GABRG3: variants seen among roughly 807,000 people sequenced by gnomAD.
GABRG3 encodes gamma-aminobutyric acid receptor subunit gamma-3.
Under a neutral mutation model 48.8 loss-of-function variants are expected in GABRG3, and 25 were observed. The ratio of observed to expected loss-of-function variants is 0.51; its 90% CI spans 0.37 to 0.72. The LOEUF (loss-of-function observed/expected upper bound fraction) is 0.72. GABRG3 is among the 30% of genes least tolerant of loss of function. The pLI is 0.00. For synonymous variants in GABRG3, 227 were observed against 217.6 expected, an observed-to-expected ratio of 1.04 and a Z score of -0.38; for missense variants, 394 against 577.9, an observed-to-expected ratio of 0.68 and a Z score of 3.26.
At chr15:27,486,567 GCA>G (rs1890224626) in intron 6 of GABRG3, among the ~76,000 whole-genome samples, 1 of 152,168 alleles carries the variant, frequency 6.6e-6, no homozygotes, top group Non-Finnish European at 1.5e-5. Flanking sequence ...GAGGGAGGGA[GCA>G]CAGGGGGCAG....
intron 3 of GABRG3, among the ~76,000 whole-genome samples, chr15:27,253,509 C>A (rs1890524270): frequency 6.6e-6 from 1 of 152,230 alleles, no homozygotes; most frequent in Non-Finnish European, 1.5e-5. Flanking sequence ...TGGGGAAATT[C>A]ACCTGAGGGT....
chr15:27,532,268 T>C (rs115878137), intron 9 of GABRG3, among the ~76,000 whole-genome samples: 2,079 of 152,186 alleles, frequency 0.014, 17 homozygotes, highest in African/African-American at 0.029. Context: ...GCAATTTTCC[T>C]TGCATTAGAA....
At chr15:27,068,662 A>G (rs60950495) in intron 3 of GABRG3, among the ~76,000 whole-genome samples, 31,897 of 152,168 alleles carry the variant, frequency 0.21, 3,495 homozygotes, top group Middle Eastern at 0.27. Context: ...TGATACTTGG[A>G]AAAATGCCTC....
chr15:27,310,603 A>AT (rs1172958316), intron 3 of GABRG3, among the ~76,000 whole-genome samples: 2 of 152,152 alleles, frequency 1.3e-5, no homozygotes, highest in Non-Finnish European at 2.9e-5. Context: ...AATGGTTTTT[A>AT]TTTTTTGTGA....
At chr15:27,216,070 G>A (rs930333271) in intron 3 of GABRG3, among the ~76,000 whole-genome samples, 1 of 152,156 alleles carries the variant, frequency 6.6e-6, no homozygotes, top group African/African-American at 2.4e-5. Flanking sequence ...AAAGATCTCT[G>A]CCTCACTGAT....
At chr15:27,051,306 A>T (rs74006561) in intron 3 of GABRG3, among the ~76,000 whole-genome samples, 3 of 152,258 alleles carry the variant, frequency 2.0e-5, no homozygotes, top group African/African-American at 7.2e-5. Flanking sequence ...TATTGAGGTT[A>T]TGTCCCTCCA....
At chr15:27,031,528 G>A (rs776227644) in intron 3 of GABRG3, among the ~76,000 whole-genome samples, 4 of 152,252 alleles carry the variant, frequency 2.6e-5, no homozygotes, top group East Asian at 3.9e-4. Context: ...TGACTATAGC[G>A]TGACCATGTG....
chr15:27,114,546 T>G (rs543711593), intron 3 of GABRG3, among the ~76,000 whole-genome samples: 242 of 152,330 alleles, frequency 1.6e-3, no homozygotes, highest in African/African-American at 5.6e-3. Context: ...AGTGATTGTT[T>G]GAATTCTGAA....
At chr15:27,330,667 T>G (rs1893773401) in intron 5 of GABRG3, among the ~76,000 whole-genome samples, 1 of 152,226 alleles carries the variant, frequency 6.6e-6, no homozygotes, top group South Asian at 2.1e-4. Context: ...AAAAAGATTT[T>G]TATAGAAATA....
At chr15:27,205,646 A>C (rs1257161552) in intron 3 of GABRG3, among the ~76,000 whole-genome samples, 1 of 151,452 alleles carries the variant, frequency 6.6e-6, no homozygotes, top group Non-Finnish European at 1.5e-5. Flanking sequence ...GGTATAAACT[A>C]TTCTTTACAT....
chr15:27,511,828 T>G (rs8034824), intron 6 of GABRG3, among the ~76,000 whole-genome samples: 16,190 of 152,268 alleles, frequency 0.11, 2,032 homozygotes, highest in African/African-American at 0.3. Context: ...TGGCAAACCG[T>G]TCTTACTTTA....
chr15:27,092,383 C>A (rs1320015007), intron 3 of GABRG3, among the ~76,000 whole-genome samples: 2 of 152,188 alleles, frequency 1.3e-5, no homozygotes, highest in Non-Finnish European at 2.9e-5. Context: ...TCTCTGTTAT[C>A]CTATTTTTAT....
At chr15:27,306,384 C>A (rs947817327) in intron 3 of GABRG3, among the ~76,000 whole-genome samples, 1 of 136,988 alleles carries the variant, frequency 7.3e-6, no homozygotes. Context: ...ATAAACATGT[C>A]TACATGTAAA....
At chr15:27,231,107 T>C (rs72702056) in intron 3 of GABRG3, among the ~76,000 whole-genome samples, 245 of 151,972 alleles carry the variant, frequency 1.6e-3, no homozygotes, top group Non-Finnish European at 2.8e-3. Flanking sequence ...AAAACACTTA[T>C]TCTATAGGAA....
intron 2 of GABRG3, among the ~76,000 whole-genome samples, chr15:27,005,245 G>A (rs1895561190): frequency 6.6e-6 from 1 of 151,656 alleles, no homozygotes; most frequent in Non-Finnish European, 1.5e-5. Flanking sequence ...TCTGTCGCCA[G>A]GCTGGAGTGC....
At chr15:27,167,795 T>C (rs1039796483) in intron 3 of GABRG3, among the ~76,000 whole-genome samples, 2 of 152,164 alleles carry the variant, frequency 1.3e-5, no homozygotes, top group African/African-American at 4.8e-5. Flanking sequence ...TCTCTCTGAT[T>C]GCGCTGCATC....
In GABRG3 at chr15:27,179,517, T is replaced by A. The variant is rs1186607349; in HGVS notation, c.271-147292T>A. ...TATGCTTGGTCTGGCTCTGAGAAATTTATCATTTTCCCCATTGGTAGAGTA... is the reference window on the plus strand; with the variant it reads ...TATGCTTGGTCTGGCTCTGAGAAATATATCATTTTCCCCATTGGTAGAGTA... On this transcript the variant is annotated intron_variant, in intron 3 of 9. Coordinates refer to ENST00000615808, the MANE Select transcript of GABRG3 (RefSeq NM_033223.5). The surrounding 1 kb of genome is among the most constrained non-coding windows in gnomAD (Gnocchi z 4.0). Among the ~76,000 whole-genome samples, 1 of 152,176 alleles carries A rather than the reference T, an allele frequency of 6.6e-6. No individual in the cohort carries two copies. The highest frequency in any genetic ancestry group is 2.4e-5 in the African/African-American group (1 of 41,420).
intron 3 of GABRG3, among the ~76,000 whole-genome samples, chr15:27,045,652 T>C (rs1896350182): frequency 1.3e-5 from 2 of 152,172 alleles, no homozygotes; most frequent in Non-Finnish European, 2.9e-5. Context: ...AGGTGCACAC[T>C]CATGGAAGGC....
intron 5 of GABRG3, chr15:27,419,194 C>T (rs1595741946): frequency 6.6e-6 from 1 of 152,452 alleles, no homozygotes; most frequent in East Asian, 1.9e-4. Context: ...GGCCCCTGCA[C>T]CTCCTGCACC....
Sources: gnomAD v4.1 joint callset for allele counts (sites outside exome capture counted in the v4.1 genomes callset) on GRCh38, gnomAD v4.1.1 for gene constraint, Gnocchi (gnomAD v3.1) non-coding constraint, MANE v1.5 for transcripts, NCBI Gene and HGNC (gene_info 2026-07-23, HGNC 2026-07-21) for gene names.